The following MAST2 variants were observed in gnomAD, a reference collection of about 807,000 sequenced individuals.
The protein encoded by MAST2 is microtubule associated serine/threonine kinase 2, also known as microtubule-associated serine/threonine-protein kinase 2.
Under a neutral mutation model 147.4 loss-of-function variants are expected in MAST2, and 70 were observed. The ratio of observed to expected loss-of-function variants is 0.47; its 90% CI spans 0.39 to 0.58. The LOEUF (loss-of-function observed/expected upper bound fraction) is 0.58. Ranked by LOEUF, MAST2 falls within the 20% of genes least tolerant of loss-of-function variation. The pLI, the probability that MAST2 is intolerant of heterozygous loss-of-function variation, is 0.00. For missense variants in MAST2, 2,080 were observed against 2,302.3 expected (o/e 0.90, Z 1.98); for synonymous variants, 869 against 896.8 (o/e 0.97, Z 0.55).
chr1:45,859,887 C>T (rs1645918407), intron 3 of MAST2, among the ~76,000 whole-genome samples: 2 of 152,026 alleles, frequency 1.3e-5, no homozygotes, highest in Admixed American at 1.3e-4. Flanking sequence ...GGACAAGAAA[C>T]CCTGCTCTTT....
At chr1:46,003,844 T>G (rs989509192) in intron 7 of MAST2, among the ~76,000 whole-genome samples, 2 of 152,144 alleles carry the variant, frequency 1.3e-5, no homozygotes, top group African/African-American at 4.8e-5. Flanking sequence ...AGTAAATGTT[T>G]TAGTCTTTGA....
chr1:46,028,433 G>T (rs1034586873), intron 17 of MAST2, among the ~76,000 whole-genome samples: 1 of 152,124 alleles, frequency 6.6e-6, no homozygotes. Context: ...ACTGTTCACC[G>T]GTCCCTGTAG....
intron 1 of MAST2, among the ~76,000 whole-genome samples, chr1:45,816,926 C>T (rs1020999526): frequency 1.3e-5 from 2 of 152,178 alleles, no homozygotes; most frequent in African/African-American, 4.8e-5. Context: ...ATCCACCTGC[C>T]TCGGCTTCCC....
intron 4 of MAST2, among the ~76,000 whole-genome samples, chr1:45,903,395 G>C (rs1650134463): frequency 6.6e-6 from 1 of 152,122 alleles, no homozygotes; most frequent in South Asian, 2.1e-4. Context: ...CTCCCAAAGT[G>C]CTGGGATTAC....
At chr1:45,832,332 CCT>C (rs1644983724) in intron 3 of MAST2, among the ~76,000 whole-genome samples, 1 of 151,020 alleles carries the variant, frequency 6.6e-6, no homozygotes, top group Non-Finnish European at 1.5e-5. Flanking sequence ...ACAGGTTCTC[CCT>C]CTGTTGTCCA....
At chr1:46,003,843 T>G (rs1360513546) in intron 7 of MAST2, among the ~76,000 whole-genome samples, 1 of 152,126 alleles carries the variant, frequency 6.6e-6, no homozygotes, top group Non-Finnish European at 1.5e-5. Flanking sequence ...GAGTAAATGT[T>G]TTAGTCTTTG....
In MAST2 at chr1:46,023,043, T is replaced by C. The variant is rs1646255168; in HGVS notation, c.1485+72T>C. 3.5e-6 allele frequency: 5 copies of C among 1,423,662 alleles called. No homozygotes were observed. In the South Asian group the frequency reaches 4.6e-5, roughly 13 times the overall value. 88.2% of individuals were successfully genotyped at this position (1,423,662 alleles called of 1,614,324 possible). On this transcript the variant is annotated intron_variant, in intron 13 of 28. Transcript: ENST00000361297. The surrounding 1 kb of genome is among the most constrained non-coding windows in gnomAD (Gnocchi z 4.9). ...GAAGCAAAGAGCTATGAATTCTCTTTAAGAGAATATCTGAGGAAGGGATGG... is the reference window on the plus strand; with the variant it reads ...GAAGCAAAGAGCTATGAATTCTCTTCAAGAGAATATCTGAGGAAGGGATGG...
At chr1:45,811,732 C>G (rs1191723396) in intron 1 of MAST2, among the ~76,000 whole-genome samples, 2 of 150,176 alleles carry the variant, frequency 1.3e-5, no homozygotes, top group East Asian at 2.0e-4. Flanking sequence ...CTCCCGGGTT[C>G]CCGCCGTTCT....
At chr1:45,989,712 A>G (rs1644786681) in intron 5 of MAST2, among the ~76,000 whole-genome samples, 1 of 150,196 alleles carries the variant, frequency 6.7e-6, no homozygotes, top group South Asian at 2.1e-4. Flanking sequence ...TTATTTCCCT[A>G]AAATAGTGCA....
intron 3 of MAST2, among the ~76,000 whole-genome samples, chr1:45,833,336 A>G (rs935890701): frequency 1.3e-5 from 2 of 152,140 alleles, no homozygotes; most frequent in Admixed American, 6.6e-5. Flanking sequence ...TCGTATCATT[A>G]TATGTGCCTA....
At chr1:45,952,989 A>T (rs1051971354) in intron 4 of MAST2, among the ~76,000 whole-genome samples, 2 of 152,200 alleles carry the variant, frequency 1.3e-5, no homozygotes, top group Non-Finnish European at 2.9e-5. Flanking sequence ...TGGCAATGTA[A>T]AAGTAAGATA....
chr1:45,862,215 A>G (rs1234827606), intron 3 of MAST2, among the ~76,000 whole-genome samples: 2 of 152,202 alleles, frequency 1.3e-5, no homozygotes, highest in African/African-American at 4.8e-5. Flanking sequence ...AGATACTGAA[A>G]AAAGTTGTGA....
intron 4 of MAST2, chr1:45,913,990 A>G (rs1409467411): frequency 7.0e-5 from 48 of 684,768 alleles, no homozygotes; most frequent in Non-Finnish European, 9.1e-5. Flanking sequence ...GATGCCTGTC[A>G]GGAAGAGGGC....
rs557413758 is a variant in MAST2, at chr1:45,903,500, T to C, written c.500+21105T>C. ...AGGTTTTGGTATGTTGTGTCTCTATTTTCATTTATTTCAAAACATTTTTTG... is the reference window on the plus strand; with the variant it reads ...AGGTTTTGGTATGTTGTGTCTCTATCTTCATTTATTTCAAAACATTTTTTG... On this transcript the variant is annotated intron_variant, in intron 4 of 28. Transcript: ENST00000361297. Among the ~76,000 whole-genome samples, 9 of 152,298 alleles carry C rather than the reference T, an allele frequency of 5.9e-5. No homozygotes were observed. The East Asian group carries it at 1.7e-3, about 29-fold the overall frequency.
intron 1 of MAST2, among the ~76,000 whole-genome samples, chr1:45,820,476 T>C (rs1644587709): frequency 6.6e-6 from 1 of 152,238 alleles, no homozygotes; most frequent in African/African-American, 2.4e-5. Context: ...CAGTTTAACT[T>C]CTGTAGTATA....
intron 4 of MAST2, among the ~76,000 whole-genome samples, chr1:45,911,017 TG>T (rs1651575512): frequency 6.6e-6 from 1 of 152,156 alleles, no homozygotes; most frequent in African/African-American, 2.4e-5. Flanking sequence ...TAATTTGTTT[TG>T]TGTGTGTGTG....
At chr1:45,895,853 CTA>C (rs758196392) in intron 4 of MAST2, among the ~76,000 whole-genome samples, 2 of 152,052 alleles carry the variant, frequency 1.3e-5, no homozygotes, top group Admixed American at 6.5e-5. Flanking sequence ...CTGCACATGT[CTA>C]TGTGTTCATC....
At chr1:45,985,669 T>C (rs904980264) in intron 5 of MAST2, among the ~76,000 whole-genome samples, 9 of 152,240 alleles carry the variant, frequency 5.9e-5, no homozygotes, top group African/African-American at 2.2e-4. Flanking sequence ...CTGGTATTTT[T>C]ATTGGGATTG....
chr1:46,022,125 C>T (rs1331545879), intron 12 of MAST2, 43 bp downstream of exon 12: 1 of 1,609,046 alleles, frequency 6.2e-7, no homozygotes, highest in Non-Finnish European at 8.5e-7. Context: ...CCCACTGCTG[C>T]TGGCAAGCTC....
Sources: gnomAD v4.1 joint callset for allele counts (sites outside exome capture counted in the v4.1 genomes callset) on GRCh38, gnomAD v4.1.1 for gene constraint, Gnocchi (gnomAD v3.1) non-coding constraint, MANE v1.5 for transcripts, NCBI Gene and HGNC (gene_info 2026-07-23, HGNC 2026-07-21) for gene names.